Variants in BANF2 observed in about 807,000 individuals in gnomAD.
BANF2 encodes the protein barrier-to-autointegration factor-like protein.
A neutral mutation model predicts 8.0 loss-of-function variants in BANF2; 4 were observed. The observed-to-expected ratio is 0.50, with a 90% CI of 0.25 to 1.14. The LOEUF is 1.14. Ranked by LOEUF, BANF2 falls within the 50% of genes most tolerant of loss-of-function variation. The probability of loss-of-function intolerance (pLI) is 0.16; values close to 1 mark genes in which losing one functional copy is unlikely to be tolerated. For missense variants in BANF2, 96 were observed against 107.5 expected (o/e 0.89, Z 0.47); for synonymous variants, 50 against 40.6 (o/e 1.23, Z -0.88).
At chr20:17,706,541 T>C (rs1267812116) in intron 1 of BANF2, among the ~76,000 whole-genome samples, 1 of 152,196 alleles carries the variant, frequency 6.6e-6, no homozygotes, top group Non-Finnish European at 1.5e-5. Flanking sequence ...CTCAGATATG[T>C]TCCTACATCA....
At chr20:17,712,610 T>C in intron 1 of BANF2, 1 of 877,100 alleles carries the variant, frequency 1.1e-6, no homozygotes, top group Non-Finnish European at 1.4e-6. Flanking sequence ...CCTGGGAGGG[T>C]AGTGCGGATA....
chr20:17,705,284 A>C (rs1005253852), intron 1 of BANF2, among the ~76,000 whole-genome samples: 7 of 152,206 alleles, frequency 4.6e-5, no homozygotes, highest in Non-Finnish European at 7.3e-5. Context: ...AGAAAGCTAA[A>C]AAATTGTCCC....
At chr20:17,709,868 A>G (rs2037543972) in intron 1 of BANF2, among the ~76,000 whole-genome samples, 1 of 152,212 alleles carries the variant, frequency 6.6e-6, no homozygotes, top group African/African-American at 2.4e-5. Context: ...AAGCCTGGAT[A>G]AGCATGAGCC....
At position 17,712,605 on chromosome 20, in the gene BANF2, G is replaced by T. The variant is rs1208891008; in HGVS notation, c.-166-10111G>T. On this transcript the variant is annotated intron_variant, in intron 1 of 3. Transcript: ENST00000246090. ...TTCTTTTCTCTTCCACCTTCCCTGG[G>T]AGGGTAGTGCGGATAATGAGGTGAG... The T allele has an allele frequency of 1.7e-5, 15 of 904,528 alleles. No individual in the cohort carries two copies. In the Admixed American group the frequency reaches 1.9e-4, roughly 11 times the overall value. 56.0% of individuals were successfully genotyped at this position (904,528 alleles called of 1,614,324 possible).
chr20:17,718,893 G>A (rs1568814648), intron 1 of BANF2, among the ~76,000 whole-genome samples: 1 of 152,180 alleles, frequency 6.6e-6, no homozygotes, highest in Non-Finnish European at 1.5e-5. Flanking sequence ...AAATACAGTA[G>A]GGTCATTGAC....
chr20:17,729,394 T>G (rs1041409619), intron 3 of BANF2, among the ~76,000 whole-genome samples: 3 of 152,200 alleles, frequency 2.0e-5, no homozygotes, highest in Non-Finnish European at 2.9e-5. Context: ...CTCCTTTTTC[T>G]GAGCAGTTTG....
intron 1 of BANF2, chr20:17,693,796 T>G (rs2037319242): frequency 6.9e-7 from 1 of 1,459,596 alleles, no homozygotes; most frequent in African/African-American, 1.4e-5. Context: ...CTAGGAGAGG[T>G]GTGTCCAGTG....
intron 1 of BANF2, among the ~76,000 whole-genome samples, chr20:17,715,711 G>A (rs901700526): frequency 4.6e-5 from 7 of 152,226 alleles, no homozygotes; most frequent in Admixed American, 2.6e-4. Flanking sequence ...TACACAAAGC[G>A]TGTGCCACAA....
chr20:17,732,341 G>A (rs1308186252), intron 3 of BANF2, among the ~76,000 whole-genome samples: 1 of 152,134 alleles, frequency 6.6e-6, no homozygotes, highest in African/African-American at 2.4e-5. Flanking sequence ...TGGAGTTTAG[G>A]GGCATTCTGC....
intron 1 of BANF2, among the ~76,000 whole-genome samples, chr20:17,705,421 G>A (rs183557931): frequency 7.9e-5 from 12 of 152,322 alleles, no homozygotes; most frequent in African/African-American, 2.9e-4. Flanking sequence ...AGACTCAGGG[G>A]CTGTCGAATT....
chr20:17,696,547 C>T (rs974148226), upstream of BANF2, among the ~76,000 whole-genome samples: 3 of 152,250 alleles, frequency 2.0e-5, no homozygotes, highest in Non-Finnish European at 4.4e-5. Flanking sequence ...TTTACCTTAT[C>T]ACTAATAATG....
intron 1 of BANF2, among the ~76,000 whole-genome samples, chr20:17,715,293 G>A (rs1481371981): frequency 6.6e-6 from 1 of 152,154 alleles, no homozygotes; most frequent in East Asian, 1.9e-4. Flanking sequence ...GCCCTGCCGT[G>A]GGCTGGTTCT....
At chr20:17,720,218 C>A (rs1029123932) in intron 1 of BANF2, among the ~76,000 whole-genome samples, 21 of 152,216 alleles carry the variant, frequency 1.4e-4, no homozygotes, top group Non-Finnish European at 2.6e-4. Context: ...TATGATGCAG[C>A]AATTTCACTT....
chr20:17,724,996 C>A, intron 2 of BANF2, 27 bp from the exon 3 acceptor site: 1 of 1,596,630 alleles, frequency 6.3e-7, no homozygotes, highest in Non-Finnish European at 8.6e-7. Context: ...ATCTGCTAAT[C>A]CTCCTCTCTC....
At chr20:17,729,380 C>T (rs1285148587) in intron 3 of BANF2, among the ~76,000 whole-genome samples, 3 of 152,324 alleles carry the variant, frequency 2.0e-5, no homozygotes, top group Admixed American at 2.0e-4. Flanking sequence ...CCCCACCCAA[C>T]AGGCTCCTTT....
intron 1 of BANF2, among the ~76,000 whole-genome samples, chr20:17,714,887 C>A (rs2037628939): frequency 6.6e-6 from 1 of 152,002 alleles, no homozygotes; most frequent in African/African-American, 2.4e-5. Flanking sequence ...CCGCCCTGTG[C>A]CCCCAAAAAG....
intron 1 of BANF2, among the ~76,000 whole-genome samples, chr20:17,702,888 A>C (rs2037429856): frequency 6.6e-6 from 1 of 152,226 alleles, no homozygotes; most frequent in Non-Finnish European, 1.5e-5. Flanking sequence ...GGATGTGGCC[A>C]GTGGGACTGA....
At chr20:17,698,360 A>G (rs2037368441), upstream of BANF2, among the ~76,000 whole-genome samples, 1 of 152,200 alleles carries the variant, frequency 6.6e-6, no homozygotes, top group Admixed American at 6.5e-5. Context: ...AGGTGCTGGC[A>G]CCGTGCTTCC....
At chr20:17,733,317 G>A (rs2037929040) in intron 3 of BANF2, among the ~76,000 whole-genome samples, 1 of 152,148 alleles carries the variant, frequency 6.6e-6, no homozygotes, top group Non-Finnish European at 1.5e-5. Context: ...GAATGGGAGG[G>A]GTGAGTACAT....
Sources: allele counts gnomAD v4.1 joint callset (sites outside exome capture counted in the v4.1 genomes callset), GRCh38; gene constraint gnomAD v4.1.1; transcripts MANE v1.5; gene names NCBI Gene and HGNC (gene_info 2026-07-23, HGNC 2026-07-21).